The following FOXP2 variants were observed in gnomAD, a reference collection of about 807,000 sequenced individuals.
The protein encoded by FOXP2 is forkhead box P2.
A neutral mutation model predicts 115.8 loss-of-function variants in FOXP2; 12 were observed. That is an observed-to-expected ratio of 0.10 (90% confidence interval 0.07 to 0.17). The LOEUF (loss-of-function observed/expected upper bound fraction) is 0.17, where lower values mean the gene tolerates loss of function less well. FOXP2 is among the 10% of genes least tolerant of loss of function. The pLI is 1.00. For missense variants in FOXP2, 629 were observed against 843.5 expected, an observed-to-expected ratio of 0.75 and a Z score of 3.15; for synonymous variants, 328 against 297.7, an observed-to-expected ratio of 1.10 and a Z score of -1.05.
intron 1 of FOXP2, among the ~76,000 whole-genome samples, chr7:114,169,373 G>A (rs1020774411): frequency 2.6e-5 from 4 of 152,200 alleles, no homozygotes; most frequent in African/African-American, 9.7e-5. Context: ...TGTGAGACCT[G>A]GAGTTAAAGG....
intron 1 of FOXP2, among the ~76,000 whole-genome samples, chr7:114,256,166 A>C (rs1795606591): frequency 6.6e-6 from 1 of 152,050 alleles, no homozygotes; most frequent in South Asian, 2.1e-4. Flanking sequence ...GCAGTGGCAC[A>C]ATCTTGGCTC....
At chr7:114,585,947 A>T (rs1410434384) in intron 3 of FOXP2, among the ~76,000 whole-genome samples, 1 of 152,042 alleles carries the variant, frequency 6.6e-6, no homozygotes, top group Non-Finnish European at 1.5e-5. Context: ...CGATTTTATG[A>T]TTGTGTGTTT....
At chr7:114,512,934 T>C (rs1375118860) in intron 2 of FOXP2, among the ~76,000 whole-genome samples, 1 of 151,906 alleles carries the variant, frequency 6.6e-6, no homozygotes, top group African/African-American at 2.4e-5. Flanking sequence ...ATACAAAAAT[T>C]AGCTGGGAGT....
intron 1 of FOXP2, among the ~76,000 whole-genome samples, chr7:114,148,905 T>A (rs1403485230): frequency 1.3e-5 from 2 of 152,198 alleles, no homozygotes; most frequent in Non-Finnish European, 2.9e-5. Flanking sequence ...TTTTTATTCA[T>A]CCATATGCCT....
chr7:114,099,865 G>A (rs1799739056), intron 1 of FOXP2, among the ~76,000 whole-genome samples: 1 of 152,172 alleles, frequency 6.6e-6, no homozygotes, highest in Non-Finnish European at 1.5e-5. Flanking sequence ...CAACATGAGG[G>A]TTTTGGGTAA....
At chr7:114,603,159 T>C (rs1000600129) in intron 3 of FOXP2, among the ~76,000 whole-genome samples, 1 of 152,160 alleles carries the variant, frequency 6.6e-6, no homozygotes, top group African/African-American at 2.4e-5. Flanking sequence ...AAAGAGCAAC[T>C]GGTATAATAT....
At chr7:114,245,710 C>G (rs570160506) in intron 1 of FOXP2, among the ~76,000 whole-genome samples, 14 of 152,064 alleles carry the variant, frequency 9.2e-5, no homozygotes, top group Non-Finnish European at 1.6e-4. Context: ...AGTTTTGTAA[C>G]TGAAAGACTT....
At chr7:114,106,064 A>G (rs889963258) in intron 1 of FOXP2, among the ~76,000 whole-genome samples, 13 of 152,066 alleles carry the variant, frequency 8.5e-5, no homozygotes, top group African/African-American at 3.1e-4. Context: ...ATATTTGTTA[A>G]TGGAGATGTG....
intron 1 of FOXP2, among the ~76,000 whole-genome samples, chr7:114,416,026 A>G (rs552117952): frequency 3.9e-5 from 6 of 152,126 alleles, no homozygotes; most frequent in Non-Finnish European, 8.8e-5. Flanking sequence ...AAACTGCATT[A>G]TATTTCTTCA....
chr7:114,117,346 C>T (rs995477817), intron 1 of FOXP2, among the ~76,000 whole-genome samples: 5 of 151,780 alleles, frequency 3.3e-5, no homozygotes, highest in Admixed American at 6.6e-5. Context: ...CCTAGCCTCC[C>T]GAGTAGCTGG....
At chr7:114,292,375 T>C (rs932463036) in intron 2 of FOXP2, among the ~76,000 whole-genome samples, 1 of 152,216 alleles carries the variant, frequency 6.6e-6, no homozygotes, top group Non-Finnish European at 1.5e-5. Flanking sequence ...CCCAGCAGAC[T>C]ATTCCTCTTT....
At chr7:114,200,892 C>T (rs563421526) in intron 1 of FOXP2, among the ~76,000 whole-genome samples, 7 of 152,330 alleles carry the variant, frequency 4.6e-5, no homozygotes, top group Non-Finnish European at 7.3e-5. Flanking sequence ...CATTGGCTCA[C>T]GCCCGTAATC....
At chr7:114,283,700 T>C (rs1001143405) in intron 1 of FOXP2, among the ~76,000 whole-genome samples, 1 of 152,110 alleles carries the variant, frequency 6.6e-6, no homozygotes, top group African/African-American at 2.4e-5. Flanking sequence ...AGTTGGCTCA[T>C]GCCTGCAATC....
intron 6 of FOXP2, among the ~76,000 whole-genome samples, chr7:114,636,164 A>C (rs373322609): frequency 1.6e-4 from 25 of 152,130 alleles, no homozygotes; most frequent in African/African-American, 6.0e-4. Flanking sequence ...GAACACCCAG[A>C]TCTCTGAAGG....
At chr7:114,312,471 AC>A (rs1797170861) in intron 2 of FOXP2, among the ~76,000 whole-genome samples, 1 of 152,088 alleles carries the variant, frequency 6.6e-6, no homozygotes, top group Admixed American at 6.6e-5. Flanking sequence ...TTCAAACCTG[AC>A]CCAGAGAACC....
chr7:114,396,220 T>C (rs1792735612), intron 2 of FOXP2, among the ~76,000 whole-genome samples: 1 of 152,006 alleles, frequency 6.6e-6, no homozygotes, highest in Non-Finnish European at 1.5e-5. Flanking sequence ...CTCCATGAAT[T>C]CAATTGTTTT....
chr7:114,608,702 C>T (rs535565812), intron 3 of FOXP2, among the ~76,000 whole-genome samples: 1 of 152,202 alleles, frequency 6.6e-6, no homozygotes, highest in South Asian at 2.1e-4. Flanking sequence ...CACCACTGAC[C>T]GAAGTAATAA....
intron 2 of FOXP2, among the ~76,000 whole-genome samples, chr7:114,522,514 A>C (rs991177981): frequency 2.6e-5 from 4 of 152,174 alleles, no homozygotes; most frequent in Admixed American, 6.6e-5. Context: ...ATATTTGTAC[A>C]TTTTTATTTA....
upstream of FOXP2, among the ~76,000 whole-genome samples, chr7:114,162,216 T>C (rs1562987166): frequency 6.6e-6 from 1 of 152,226 alleles, no homozygotes; most frequent in Non-Finnish European, 1.5e-5. Flanking sequence ...AAAGGTCAGA[T>C]ATTCATCTAT....
Sources: gnomAD v4.1 joint callset for allele counts (sites outside exome capture counted in the v4.1 genomes callset) on GRCh38, gnomAD v4.1.1 for gene constraint, MANE v1.5 for transcripts, NCBI Gene and HGNC (gene_info 2026-07-23, HGNC 2026-07-21) for gene names.